The following TUT7 variants were observed in gnomAD, a reference collection of about 807,000 sequenced individuals.
The protein encoded by TUT7 is terminal uridylyltransferase 7.
Under a neutral mutation model 165.9 loss-of-function variants are expected in TUT7, and 33 were observed. That is an observed-to-expected ratio of 0.20 (90% confidence interval 0.15 to 0.27). The LOEUF (loss-of-function observed/expected upper bound fraction) is 0.27. Among genes scored for constraint, TUT7 ranks in the 10% least tolerant of loss-of-function variants. TUT7 has a pLI of 1.00. For synonymous variants in TUT7, 552 were observed against 608.1 expected (o/e 0.91, Z 1.36); for missense variants, 1,338 against 1,762.3 (o/e 0.76, Z 4.31).
In TUT7 at chr9:86,294,751, A is replaced by G. The variant is rs185923818; in HGVS notation, c.4421-6007T>C. On this transcript the variant is annotated intron_variant, in intron 26 of 26. Transcript: ENST00000375963. ...ATTATTATTTTAATATTTGTTTATT[A>G]TTATTATATTTTAAGTTTTAGGGTA... is the stretch of plus-strand genomic sequence containing the variant. Among the ~76,000 whole-genome samples the G allele has an allele frequency of 3.9e-3, 584 of 151,210 alleles. 5 individuals carry two copies. Among genetic ancestry groups the G allele is most frequent in the Middle Eastern group, 0.031 (9 of 294 alleles).
At chr9:86,347,876 A>G (rs1435047159) in intron 2 of TUT7, among the ~76,000 whole-genome samples, 2 of 151,300 alleles carry the variant, frequency 1.3e-5, no homozygotes, top group Non-Finnish European at 2.9e-5. Flanking sequence ...TTCTGGTCTG[A>G]ACAATTTTTT....
rs559229757 is a variant in TUT7, at chr9:86,288,469, T to G, written c.*208A>C. ...ACATCATGTCTTTCTATTAAAATCC[T>G]TAAATCTATGGGGATGTGTGGTAGA... is the stretch of plus-strand genomic sequence containing the variant. On this transcript the variant is annotated 3_prime_UTR_variant, in exon 27 of 27. Transcript: ENST00000375963. 77 of 387,704 alleles carry G rather than the reference T, an allele frequency of 2.0e-4. No homozygotes were observed. The highest frequency in any genetic ancestry group is 1.5e-3 in the African/African-American group (72 of 49,532). The allele number at this position is 387,704 out of a possible 1,614,324, so 24.0% of individuals were successfully genotyped here. A position where few individuals can be genotyped will look rare whatever the true frequency, so the allele number is the denominator to read the frequency against.
Position 86,305,179 on chromosome 9 carries a change from C to T in TUT7, c.3886+13G>A, listed in dbSNP as rs76727208. On this transcript the variant is annotated intron_variant, in intron 23 of 26. Coordinates refer to ENST00000375963, the MANE Select transcript of TUT7 (RefSeq NM_024617.4). The stretch of plus-strand genomic sequence containing the variant: ...TAAAATAAAAAATAAAATTGACAAA[C>T]GAAGTAACTCACTTTTCCTTGATAA... 4.6e-3 allele frequency: 7,299 copies of T among 1,589,286 alleles called. 169 individuals carry two copies. In the East Asian group the frequency reaches 0.06, roughly 13 times the overall value.
chr9:86,344,825 A>G (rs1385927960), intron 5 of TUT7, 152 bp downstream of exon 5: 6 of 684,946 alleles, frequency 8.8e-6, no homozygotes. Context: ...TACCTTAGGG[A>G]AAGCCAGGGA....
intron 5 of TUT7, among the ~76,000 whole-genome samples, chr9:86,344,172 C>A (rs1831557192): frequency 1.3e-5 from 2 of 152,190 alleles, no homozygotes; most frequent in South Asian, 4.1e-4. Context: ...CCAACCCTAG[C>A]TGTGGATCAG....
Position 86,345,921 on chromosome 9 carries a change from G to A in TUT7, c.703-136C>T, listed in dbSNP as rs1831716904. 3 of 673,006 alleles carry A rather than the reference G, an allele frequency of 4.5e-6. No individual in the cohort carries two copies. The East Asian group carries it at 8.0e-5, about 18-fold the overall frequency. The allele number at this position is 673,006 out of a possible 1,614,324, so 41.7% of individuals were successfully genotyped here. On this transcript the variant is annotated intron_variant, in intron 3 of 26. Coordinates refer to ENST00000375963, the MANE Select transcript of TUT7 (RefSeq NM_024617.4). ...ACAGGAGTCTCACTATGTTGCCCTG[G>A]CTGGAGTGAACTGGCTATTCACAGA...
At position 86,311,744 on chromosome 9, in the gene TUT7, C is replaced by T. The variant is rs541090165; in HGVS notation, c.3275-935G>A. On this transcript the variant is annotated intron_variant, in intron 17 of 26. Transcript: ENST00000375963. This position sits in a 1 kb window ranked among gnomAD's most constrained non-coding sequence, Gnocchi z 4.4. ...GCCTGATTCTCCTGCCTCAGCCTGC[C>T]GAGTGCCTGCGATTGCAGGTGCGCG... Among the ~76,000 whole-genome samples, 604 of 152,120 alleles carry T rather than the reference C, an allele frequency of 4.0e-3. 3 individuals are homozygous for T. Among genetic ancestry groups the T allele is most frequent in the African/African-American group, 8.6e-3 (355 of 41,494 alleles).
At chr9:86,319,439 G>T in intron 15 of TUT7, 145 bp downstream of exon 15, 1 of 613,320 alleles carries the variant, frequency 1.6e-6, no homozygotes, top group Middle Eastern at 4.3e-4. Flanking sequence ...TGGTAAATGA[G>T]GATTTGGCAG....
At position 86,301,401 on chromosome 9, in the gene TUT7, ATCT is replaced by A. The variant is rs766891496; in HGVS notation, c.4292_4294del (p.Lys1431del). On this transcript the variant is annotated inframe_deletion, in exon 26 of 27. Coordinates refer to ENST00000375963, the MANE Select transcript of TUT7 (RefSeq NM_024617.4). ...CCATTTTTCTACTGGTGGCCTGAGG[ATCT>A]TCTCCCTCCCCAGGTCAGCAGCTGC... 7 of 1,613,998 alleles carry A rather than the reference ATCT, an allele frequency of 4.3e-6. No individual in the cohort carries two copies. In the East Asian group the frequency reaches 1.3e-4, roughly 31 times the overall value.
intron 17 of TUT7, among the ~76,000 whole-genome samples, chr9:86,313,576 T>C (rs147462361): frequency 0.014 from 2,066 of 152,278 alleles, 21 homozygotes; most frequent in Admixed American, 0.029. Context: ...CTTAGGAATA[T>C]GCAGCTGGTA....
intron 10 of TUT7, among the ~76,000 whole-genome samples, chr9:86,328,962 A>G (rs773550153): frequency 6.6e-5 from 10 of 152,372 alleles, no homozygotes; most frequent in Non-Finnish European, 1.3e-4. Flanking sequence ...TGCTTGTAGC[A>G]TACAGCACAT....
intron 2 of TUT7, among the ~76,000 whole-genome samples, chr9:86,350,441 C>A (rs915291477): frequency 6.6e-6 from 1 of 152,184 alleles, no homozygotes; most frequent in African/African-American, 2.4e-5. Context: ...AATACAGAAA[C>A]ACTTAAATAT....
Position 86,325,472 on chromosome 9 carries a change from C to A in TUT7, c.1651G>T (p.Val551Phe), listed in dbSNP as rs750278805. The A allele has an allele frequency of 1.2e-6, 2 of 1,614,008 alleles. No homozygotes were observed. The highest frequency in any genetic ancestry group is 2.2e-5 in the South Asian group (2 of 91,074). ...AGCAATTCCACCCAGAGCTGCCCAA[C>A]TGGTACTGAAGGCTGGTGTTTCACA... ...LDVKHQPSVP[V>F]GQLWVELLRF... is the part of the protein sequence containing the mutation. The change falls in exon 12 of 27, where the codon GTT (valine) becomes TTT (phenylalanine). Residue 551 changes from valine (V) to phenylalanine (F), a missense_variant. Val to Phe is a conservative substitution (Grantham distance 50). Coordinates refer to ENST00000375963, the MANE Select transcript of TUT7 (RefSeq NM_024617.4).
At chr9:86,298,316 G>A (rs2131286406) in intron 26 of TUT7, among the ~76,000 whole-genome samples, 1 of 152,322 alleles carries the variant, frequency 6.6e-6, no homozygotes, top group East Asian at 1.9e-4. Context: ...CTTGGAAAGG[G>A]AGGGGAGAGG....
intron 22 of TUT7, among the ~76,000 whole-genome samples, chr9:86,306,697 C>T (rs1827523453): frequency 6.6e-6 from 1 of 152,032 alleles, no homozygotes; most frequent in East Asian, 1.9e-4. Context: ...GTCCCAGCTA[C>T]TCTGGAGGCT....
At chr9:86,305,061 T>C (rs1827333057) in intron 23 of TUT7, 114 bp from the exon 24 acceptor site, 1 of 1,169,468 alleles carries the variant, frequency 8.6e-7, no homozygotes, top group South Asian at 1.4e-5. Flanking sequence ...TCTGGGAGGC[T>C]GGGGTAGGTG....
intron 17 of TUT7, among the ~76,000 whole-genome samples, chr9:86,312,451 C>T (rs551130990): frequency 0.018 from 2,745 of 151,540 alleles, 53 homozygotes; most frequent in Middle Eastern, 0.045. Flanking sequence ...AAGTGAGGAG[C>T]GTCTCCACCC....
chr9:86,335,717 G>C (rs1319551315), intron 10 of TUT7, among the ~76,000 whole-genome samples: 2 of 152,128 alleles, frequency 1.3e-5, no homozygotes, highest in Non-Finnish European at 2.9e-5. Context: ...AAAATATCTA[G>C]CATAAAGATA....
chr9:86,326,483 T>C (rs1389037059), intron 11 of TUT7: 1 of 154,840 alleles, frequency 6.5e-6, no homozygotes, highest in Admixed American at 6.5e-5. Flanking sequence ...AGAGTAGGGA[T>C]GATACCACCT....
Sources: allele counts gnomAD v4.1 joint callset (sites outside exome capture counted in the v4.1 genomes callset), GRCh38; gene constraint gnomAD v4.1.1; non-coding constraint Gnocchi (gnomAD v3.1); transcripts MANE v1.5; gene names NCBI Gene and HGNC (gene_info 2026-07-23, HGNC 2026-07-21).